The following CNTLN variants were observed in gnomAD, a reference collection of about 807,000 sequenced individuals.
CNTLN encodes the protein centlein.
In CNTLN, 212 loss-of-function variants were observed where a neutral mutation model predicts 180.0. The observed-to-expected ratio is 1.18, with a 90% CI of 1.05 to 1.32. The LOEUF is 1.32. Among genes scored for constraint, CNTLN ranks in the 40% most tolerant of loss-of-function variants. The pLI is 0.00. For missense variants in CNTLN, 2,095 were observed against 1,610.9 expected (o/e 1.30, Z -5.14); for synonymous variants, 722 against 563.1 (o/e 1.28, Z -3.99).
chr9:17,187,997 CTATA>C (rs1183008198), intron 2 of CNTLN, among the ~76,000 whole-genome samples: 6 of 124,638 alleles, frequency 4.8e-5, no homozygotes, highest in African/African-American at 1.6e-4. Flanking sequence ...TATATATACA[CTATA>C]TATATACACC....
chr9:17,168,434 A>G lies in CNTLN; in HGVS notation c.449+25058A>G, dbSNP rs549260244. 7 of 152,280 alleles carry G rather than the reference A, an allele frequency of 4.6e-5. 1 individual carries two copies. In the South Asian group the frequency reaches 1.4e-3, roughly 32 times the overall value. The allele number at this position is 152,280 out of a possible 1,614,324, so 9.4% of individuals were successfully genotyped here. A position where few individuals can be genotyped will look rare whatever the true frequency, so the allele number is the denominator to read the frequency against. ...TATGACCTAATGAATACATTTATGG[A>G]TGGTACTTGGGACTGCTTTTTTGGT... On this transcript the variant is annotated intron_variant, in intron 2 of 25. Coordinates refer to ENST00000380647, the MANE Select transcript of CNTLN (RefSeq NM_017738.4).
At chr9:17,270,569 C>G (rs1827858824) in intron 5 of CNTLN, among the ~76,000 whole-genome samples, 1 of 152,050 alleles carries the variant, frequency 6.6e-6, no homozygotes, top group African/African-American at 2.4e-5. Context: ...CTTTTTATGT[C>G]CTTCCCTTTC....
rs189173096 is a variant in CNTLN at position 17,229,090 on chromosome 9, T to G, written c.534+2803T>G. On this transcript the variant is annotated intron_variant, in intron 3 of 25. Coordinates refer to ENST00000380647, the MANE Select transcript of CNTLN (RefSeq NM_017738.4). ...GTGAGAATTTTGAGAACAAGATATT[T>G]ACTGATATTTTTAATGAGGAAGGAA... is the stretch of plus-strand genomic sequence containing the variant. Among the ~76,000 whole-genome samples, 324 of 152,130 alleles carry G rather than the reference T, an allele frequency of 2.1e-3. 1 individual carries two copies. The highest frequency in any genetic ancestry group is 7.4e-3 in the African/African-American group (307 of 41,518).
At chr9:17,515,649 C>A in the CNTLN span, among the ~76,000 whole-genome samples, 1 of 152,230 alleles carries the variant, frequency 6.6e-6, no homozygotes, top group East Asian at 1.9e-4. Flanking sequence ...TACTCATACT[C>A]CCTTCAATGT....
At chr9:17,416,873 C>G (rs980841211) in intron 18 of CNTLN, among the ~76,000 whole-genome samples, 4 of 151,682 alleles carry the variant, frequency 2.6e-5, no homozygotes, top group African/African-American at 9.8e-5. Context: ...TTATTTTGCA[C>G]AGAAAAATTT....
chr9:17,208,890 T>C (rs1323491941), intron 2 of CNTLN, among the ~76,000 whole-genome samples: 1 of 152,030 alleles, frequency 6.6e-6, no homozygotes, highest in Non-Finnish European at 1.5e-5. Context: ...CAATGTTATG[T>C]ATCTTTTCAA....
chr9:17,168,687 T>C (rs1028923281), intron 2 of CNTLN: 1 of 152,234 alleles, frequency 6.6e-6, no homozygotes, highest in Non-Finnish European at 1.5e-5. Flanking sequence ...ATGTCCTGTA[T>C]AGCAACATTT....
intron 2 of CNTLN, among the ~76,000 whole-genome samples, chr9:17,212,538 C>A (rs112906568): frequency 0.026 from 3,984 of 152,070 alleles, 177 homozygotes; most frequent in African/African-American, 0.089. Flanking sequence ...TGTCTCTGCC[C>A]GGCTTTGGTA....
rs1047668205 is a variant in CNTLN at position 17,179,441 on chromosome 9, A to G, written c.449+36065A>G. On this transcript the variant is annotated intron_variant, in intron 2 of 25. Coordinates refer to ENST00000380647, the MANE Select transcript of CNTLN (RefSeq NM_017738.4). ...TCCTGTGAGACTCTCTGTATGACCA[A>G]GGATTATGTAGAAATGTGTTATTTA... 2.6e-5 allele frequency among the ~76,000 whole-genome samples: 4 copies of G among 152,236 alleles called. No homozygotes were observed. In the East Asian group the frequency reaches 7.7e-4, roughly 29 times the overall value.
chr9:17,463,239 C>T (rs1831551465), intron 20 of CNTLN, among the ~76,000 whole-genome samples: 1 of 151,518 alleles, frequency 6.6e-6, no homozygotes, highest in Non-Finnish European at 1.5e-5. Flanking sequence ...CGTTATTAAA[C>T]ATATTTAATT....
intron 5 of CNTLN, among the ~76,000 whole-genome samples, chr9:17,267,557 C>T (rs141753052): frequency 0.015 from 2,310 of 151,736 alleles, 104 homozygotes; most frequent in African/African-American, 0.054. Flanking sequence ...GTGGCGTTCT[C>T]TGTGTTTCCT....
At chr9:17,523,520 C>A in the CNTLN span, among the ~76,000 whole-genome samples, 262 of 152,156 alleles carry the variant, frequency 1.7e-3, 1 homozygote, top group African/African-American at 5.9e-3. Flanking sequence ...TACAGGTGTG[C>A]GCCACCATGC....
chr9:17,383,550 T>G (rs1360717691), intron 13 of CNTLN, among the ~76,000 whole-genome samples: 2 of 152,106 alleles, frequency 1.3e-5, no homozygotes, highest in Non-Finnish European at 2.9e-5. Flanking sequence ...AAAAAATTAT[T>G]TTTAAAACAA....
intron 12 of CNTLN, among the ~76,000 whole-genome samples, chr9:17,366,153 G>T (rs537924669): frequency 2.2e-4 from 33 of 152,142 alleles, no homozygotes; most frequent in Non-Finnish European, 3.8e-4. Flanking sequence ...GGAGACAAGG[G>T]CCTAATCTTT....
Position 17,309,075 on chromosome 9 carries a change from T to A in CNTLN, c.1164T>A (p.His388Gln). 1.3e-6 allele frequency: 2 copies of A among 1,588,466 alleles called. No individual in the cohort carries two copies. The highest frequency in any genetic ancestry group is 1.7e-6 in the Non-Finnish European group (2 of 1,172,262). ...ISYQKLYNELHICFETTKSNE... is the reference protein window; with the variant it reads ...ISYQKLYNELQICFETTKSNE... ...TGAAACAGCTTTACAATGAGTTACATATTTGTTTTGAAACCACAAAATCAA... is the reference window on the plus strand; with the variant it reads ...TGAAACAGCTTTACAATGAGTTACAAATTTGTTTTGAAACCACAAAATCAA... The change falls in exon 8 of 26, where the codon CAT becomes CAA. Residue 388 changes from histidine (H) to glutamine (Q), a missense_variant. Transcript: ENST00000380647.
At chr9:17,196,660 T>A (rs1373447934) in intron 2 of CNTLN, among the ~76,000 whole-genome samples, 1 of 150,950 alleles carries the variant, frequency 6.6e-6, no homozygotes, top group Non-Finnish European at 1.5e-5. Flanking sequence ...ATTAATATTT[T>A]TAATGTTTAT....
chr9:17,194,109 C>A (rs1312044871), intron 2 of CNTLN, among the ~76,000 whole-genome samples: 1 of 152,182 alleles, frequency 6.6e-6, no homozygotes, highest in African/African-American at 2.4e-5. Context: ...CCCACAAAAC[C>A]ATTTTCTCCT....
chr9:17,330,251 A>G (rs1316642745), intron 8 of CNTLN, among the ~76,000 whole-genome samples: 3 of 152,034 alleles, frequency 2.0e-5, no homozygotes, highest in Non-Finnish European at 1.5e-5. Flanking sequence ...ATTCTATGGT[A>G]TTGTATGACT....
intron 8 of CNTLN, among the ~76,000 whole-genome samples, chr9:17,316,498 C>T (rs1388807759): frequency 1.3e-5 from 2 of 151,890 alleles, no homozygotes; most frequent in Non-Finnish European, 2.9e-5. Flanking sequence ...GTTGAAAGTG[C>T]ATTTTTGACA....
Sources: gnomAD v4.1 joint callset for allele counts (sites outside exome capture counted in the v4.1 genomes callset) on GRCh38, gnomAD v4.1.1 for gene constraint, MANE v1.5 for transcripts, NCBI Gene and HGNC (gene_info 2026-07-23, HGNC 2026-07-21) for gene names.